REEP1: variants seen among roughly 807,000 people sequenced by gnomAD.
The protein encoded by REEP1 is receptor expression-enhancing protein 1.
Under a neutral mutation model 40.3 loss-of-function variants are expected in REEP1, and 22 were observed. The observed-to-expected ratio is 0.55, with a 90% CI of 0.39 to 0.78. REEP1 has a LOEUF of 0.78. Ranked by LOEUF, REEP1 falls within the 30% of genes least tolerant of loss-of-function variation. The pLI is 0.00. For missense variants in REEP1, 280 were observed against 361.1 expected, an observed-to-expected ratio of 0.78 and a Z score of 1.82; for synonymous variants, 116 against 139.2, an observed-to-expected ratio of 0.83 and a Z score of 1.17.
At chr2:86,230,665 T>C (rs958002684) in intron 6 of REEP1, among the ~76,000 whole-genome samples, 4 of 152,238 alleles carry the variant, frequency 2.6e-5, no homozygotes, top group South Asian at 2.1e-4. Context: ...TAACAGCTAC[T>C]ATGCACTGGC....
chr2:86,258,709 G>C (rs1676699140), intron 3 of REEP1, among the ~76,000 whole-genome samples: 1 of 152,212 alleles, frequency 6.6e-6, no homozygotes, highest in African/African-American at 2.4e-5. Flanking sequence ...CCTACCTCGA[G>C]AGACAGAGAA....
chr2:86,250,218 G>A (rs868709123), intron 5 of REEP1, among the ~76,000 whole-genome samples: 2 of 152,136 alleles, frequency 1.3e-5, no homozygotes, highest in Non-Finnish European at 2.9e-5. Flanking sequence ...CTACATGCAC[G>A]CAGCTGTGCC....
At chr2:86,261,850 T>C (rs930983927) in intron 3 of REEP1, among the ~76,000 whole-genome samples, 15 of 152,258 alleles carry the variant, frequency 9.9e-5, no homozygotes, top group Non-Finnish European at 1.9e-4. Flanking sequence ...GATTGTACGT[T>C]CCATCTACTG....
intron 7 of REEP1, among the ~76,000 whole-genome samples, chr2:86,225,555 G>C (rs1674636843): frequency 1.3e-5 from 2 of 152,122 alleles, no homozygotes; most frequent in South Asian, 4.1e-4. Context: ...ACAGGTGTGA[G>C]CCACTGCGCC....
At chr2:86,334,694 G>A (rs1479826386) in intron 1 of REEP1, among the ~76,000 whole-genome samples, 9 of 152,142 alleles carry the variant, frequency 5.9e-5, no homozygotes, top group Admixed American at 5.9e-4. Context: ...GAACTGCTTG[G>A]GTTGAATCAG....
intron 1 of REEP1, among the ~76,000 whole-genome samples, chr2:86,315,335 C>T (rs922909537): frequency 2.6e-5 from 4 of 152,212 alleles, no homozygotes; most frequent in African/African-American, 9.6e-5. Flanking sequence ...ATGGTGCTCT[C>T]GTTTGTCTGG....
At chr2:86,309,031 AT>A (rs1467020372) in intron 1 of REEP1, among the ~76,000 whole-genome samples, 3 of 152,204 alleles carry the variant, frequency 2.0e-5, no homozygotes, top group African/African-American at 7.2e-5. Context: ...TTTGTTTAAT[AT>A]AGGTGCTGCC....
intron 4 of REEP1, among the ~76,000 whole-genome samples, chr2:86,253,158 A>G (rs1254161183): frequency 6.6e-6 from 1 of 152,084 alleles, no homozygotes; most frequent in Non-Finnish European, 1.5e-5. Context: ...GCACGTGCCT[A>G]TAGTCCCAGC....
intron 2 of REEP1, among the ~76,000 whole-genome samples, chr2:86,267,711 C>G (rs899266509): frequency 4.0e-5 from 6 of 151,812 alleles, no homozygotes; most frequent in African/African-American, 1.5e-4. Context: ...TAGACTTCAT[C>G]AAAATTAAAA....
chr2:86,296,071 T>A (rs191027409), intron 1 of REEP1, among the ~76,000 whole-genome samples: 216 of 152,358 alleles, frequency 1.4e-3, no homozygotes, highest in Non-Finnish European at 2.6e-3. Flanking sequence ...TTTCCATTTA[T>A]GAGCCTCAAA....
At chr2:86,302,141 C>T (rs1057184974) in intron 1 of REEP1, among the ~76,000 whole-genome samples, 1 of 152,336 alleles carries the variant, frequency 6.6e-6, no homozygotes, top group South Asian at 2.1e-4. Flanking sequence ...CTCCCCTATT[C>T]CAGAAAGCTG....
intron 1 of REEP1, among the ~76,000 whole-genome samples, chr2:86,312,957 C>T (rs534030749): frequency 2.6e-5 from 4 of 152,266 alleles, no homozygotes; most frequent in African/African-American, 7.2e-5. Context: ...TCAGTTCAGA[C>T]GGGAACCCCA....
intron 1 of REEP1, among the ~76,000 whole-genome samples, chr2:86,335,666 T>C (rs1005468484): frequency 1.3e-5 from 2 of 151,964 alleles, no homozygotes; most frequent in African/African-American, 2.4e-5. Context: ...CTGGCCAACA[T>C]GGTGAAACCC....
chr2:86,232,745 T>C lies in REEP1; in HGVS notation c.475A>G (p.Ile159Val), dbSNP rs1675100648. 2 of 1,607,478 alleles carry C rather than the reference T, an allele frequency of 1.2e-6. No homozygotes were observed. The highest frequency in any genetic ancestry group is 1.7e-6 in the Non-Finnish European group (2 of 1,179,974). Residue 159 changes from isoleucine (I) to valine (V), a missense_variant, in exon 6 of 9, where the codon ATC becomes GTC. This residue lies in a region of REEP1 where 201 missense variants were observed against 238.5 expected (regional missense o/e 0.84). Transcript: ENST00000538924. ...GGAGCAGGGGCGCCGTCTCCCCTGA[T>C]GGTGGTGAGGTCCTGCATGCTGAAG... ...RSFSMQDLTT[I>V]RGDGAPAPSG...
At chr2:86,287,382 C>T (rs1175064646) in intron 1 of REEP1, among the ~76,000 whole-genome samples, 1 of 152,124 alleles carries the variant, frequency 6.6e-6, no homozygotes, top group Non-Finnish European at 1.5e-5. Context: ...GCCACTGCAC[C>T]CAGCCTTATT....
At chr2:86,325,025 T>C (rs566161593) in intron 1 of REEP1, among the ~76,000 whole-genome samples, 98 of 152,340 alleles carry the variant, frequency 6.4e-4, no homozygotes, top group African/African-American at 2.3e-3. Context: ...TTATAAATAG[T>C]CTTTTCTATT....
chr2:86,236,980 C>T (rs1228357423), intron 5 of REEP1, among the ~76,000 whole-genome samples: 4 of 152,176 alleles, frequency 2.6e-5, no homozygotes, highest in Non-Finnish European at 5.9e-5. Flanking sequence ...GTAATCCGCC[C>T]GCCTTGGCCT....
intron 1 of REEP1, among the ~76,000 whole-genome samples, chr2:86,288,029 A>ATTTTTTTTTTTTTTTTTTTTTTTTTTTT (rs1558916443): frequency 6.7e-6 from 1 of 148,484 alleles, no homozygotes; most frequent in African/African-American, 2.6e-5. Context: ...TTTTATTTTT[A>ATTTTTTTTTTTTTTTTTTTTTTTTTTTT]TTATTTTTTT....
At chr2:86,280,181 G>A (rs935410576) in intron 2 of REEP1, 10 of 380,870 alleles carry the variant, frequency 2.6e-5, no homozygotes, top group Non-Finnish European at 5.2e-5. Context: ...AGGAGTGTGA[G>A]TGCAGAGAAA....
Sources: gnomAD v4.1 joint callset for allele counts (sites outside exome capture counted in the v4.1 genomes callset) on GRCh38, gnomAD v4.1.1 for gene constraint, gnomAD v4.1.1 regional missense constraint, MANE v1.5 for transcripts, NCBI Gene and HGNC (gene_info 2026-07-23, HGNC 2026-07-21) for gene names.